The following TUBGCP5 variants were observed in gnomAD, a reference collection of about 807,000 sequenced individuals.
TUBGCP5 encodes the protein tubulin gamma complex component 5.
In TUBGCP5, 98 loss-of-function variants were observed where a neutral mutation model predicts 134.7. That is an observed-to-expected ratio of 0.73 (90% CI 0.62 to 0.86). The LOEUF (loss-of-function observed/expected upper bound fraction) is 0.86, where lower values mean the gene tolerates loss of function less well. Among genes scored for constraint, TUBGCP5 ranks in the 40% least tolerant of loss-of-function variants. The probability of loss-of-function intolerance (pLI) is 0.00; values close to 1 mark genes in which losing one functional copy is unlikely to be tolerated. For missense variants in TUBGCP5, 1,150 were observed against 1,244.8 expected (o/e 0.92, Z 1.15); for synonymous variants, 456 against 431.4 (o/e 1.06, Z -0.71).
In TUBGCP5 at chr15:23,039,415, G is replaced by C. The variant is rs1048333231; in HGVS notation, c.129C>G (p.Phe43Leu). ...CCCCACACCTGAAGTTGGACCAGGCGAAGTTTAGGGCGAGCTGGAAGTTGG... is the reference window on the plus strand; with the variant it reads ...CCCCACACCTGAAGTTGGACCAGGCCAAGTTTAGGGCGAGCTGGAAGTTGG... ...ADPNFQLALN[F>L]AWSNFRFHRF... is the part of the protein sequence containing the mutation. The change falls in exon 1 of 23, where the codon TTC becomes TTG. Residue 43 changes from phenylalanine (F) to leucine (L), a missense_variant. Around this residue, in one of 2 missense-constraint regions of TUBGCP5, gnomAD observed 453 missense variants for 394.7 expected, o/e 1.15. Coordinates refer to ENST00000615383, the MANE Select transcript of TUBGCP5 (RefSeq NM_052903.6). 3 of 1,512,594 alleles carry C rather than the reference G, an allele frequency of 2.0e-6. No individual in the cohort carries two copies. The highest frequency in any genetic ancestry group is 2.7e-6 in the Non-Finnish European group (3 of 1,123,236). 93.7% of individuals were successfully genotyped at this position (1,512,594 alleles called of 1,614,324 possible).
rs759880547 is a variant in TUBGCP5, at chr15:23,017,980, C to T, written c.1549G>A (p.Val517Ile). The change falls in exon 13 of 23, where the codon GTA (valine) becomes ATA (isoleucine). Residue 517 changes from valine (V) to isoleucine (I), a missense_variant. Physicochemically the swap from Val to Ile is conservative, Grantham distance 29 (BLOSUM62 3). Transcript: ENST00000615383. ...TCTTCATTTTCTGTCTTTTCTGATACGCTATATAACGTGTAAGTTGCATAC... is the reference window on the plus strand; with the variant it reads ...TCTTCATTTTCTGTCTTTTCTGATATGCTATATAACGTGTAAGTTGCATAC... ...FWYATYTLYS[V>I]SEKTENEEKM... 27 of 1,613,944 alleles carry T rather than the reference C, an allele frequency of 1.7e-5. No homozygotes were observed. The highest frequency in any genetic ancestry group is 2.2e-5 in the East Asian group (1 of 44,900).
intron 13 of TUBGCP5, among the ~76,000 whole-genome samples, chr15:23,016,653 G>A (rs2065339224): frequency 6.6e-6 from 1 of 152,002 alleles, no homozygotes; most frequent in South Asian, 2.1e-4. Flanking sequence ...CCCCAGTCAG[G>A]ATGGTTATTT....
At position 22,999,306 on chromosome 15, in the gene TUBGCP5, C is replaced by T. The variant is rs1016370944; in HGVS notation, c.*514G>A. 6.4e-6 allele frequency: 1 copy of T among 155,348 alleles called. No individual in the cohort carries two copies. The highest frequency in any genetic ancestry group is 2.4e-5 in the African/African-American group (1 of 41,492). The allele number at this position is 155,348 out of a possible 1,614,324, so 9.6% of individuals were successfully genotyped here. ...AATGTAAGAGTAAACAGCCTATATA[C>T]ACTTTGTACTACTGACACAATTTTA... On this transcript the variant is annotated 3_prime_UTR_variant, in exon 23 of 23. Coordinates refer to ENST00000615383, the MANE Select transcript of TUBGCP5 (RefSeq NM_052903.6).
At position 23,031,910 on chromosome 15, in the gene TUBGCP5, G is replaced by A. The variant is rs193222717; in HGVS notation, c.486+40C>T. ...ATGAAAATCATCTATATCACCTGGC[G>A]TGTATTTCAATTTTCAATAGCAAAA... On this transcript the variant is annotated intron_variant, in intron 5 of 22. Transcript: ENST00000615383. 5.3e-4 allele frequency: 800 copies of A among 1,502,850 alleles called. 1 individual carries two copies. The highest frequency in any genetic ancestry group is 3.2e-3 in the African/African-American group (229 of 72,518). 93.1% of individuals were successfully genotyped at this position (1,502,850 alleles called of 1,614,324 possible).
chr15:23,026,132 T>C lies in TUBGCP5; in HGVS notation c.811A>G (p.Ile271Val), dbSNP rs948982897. 1 of 1,608,944 alleles carries C rather than the reference T, an allele frequency of 6.2e-7. No homozygotes were observed. The highest frequency in any genetic ancestry group is 1.7e-5 in the Admixed American group (1 of 58,464). The part of the protein sequence containing the change: ...DRVLVTETQV[I>V]RETLWLLSGV... ...ATTTCTTACCATAGGGTTTCCCGAA[T>C]AACCTGAGTCTCAGTAACCAAAACC... Residue 271 changes from isoleucine (I) to valine (V), a missense_variant, in exon 8 of 23, where the codon ATT becomes GTT. Transcript: ENST00000615383.
In TUBGCP5 at chr15:23,037,149, A is replaced by G. The variant is rs1429096179; in HGVS notation, c.150T>C (p.Phe50=). The change falls in exon 2 of 23, where the codon TTT becomes TTC. Residue 50 remains phenylalanine (F), a synonymous_variant. Coordinates refer to ENST00000615383, the MANE Select transcript of TUBGCP5 (RefSeq NM_052903.6). ...ALNFAWSNFR[F]HRFLDVNSHK... Reference sequence around the variant, plus strand: ...GGCTGTTGACATCCAAGAAACGATGAAATCTATTAAAGACAAAATGCAATT... The same window carrying G: ...GGCTGTTGACATCCAAGAAACGATGGAATCTATTAAAGACAAAATGCAATT... 1.2e-6 allele frequency: 2 copies of G among 1,612,910 alleles called. No homozygotes were observed. The highest frequency in any genetic ancestry group is 1.7e-6 in the Non-Finnish European group (2 of 1,179,914).
chr15:23,036,095 C>T (rs2066574415), intron 3 of TUBGCP5, among the ~76,000 whole-genome samples: 1 of 152,166 alleles, frequency 6.6e-6, no homozygotes, highest in Non-Finnish European at 1.5e-5. Flanking sequence ...GTGGTCCCAC[C>T]GTGTTCAGGG....
chr15:23,003,311 T>C (rs533612842), intron 20 of TUBGCP5, among the ~76,000 whole-genome samples, 158 bp from the exon 21 acceptor site: 1 of 152,330 alleles, frequency 6.6e-6, no homozygotes, highest in Admixed American at 6.5e-5. Flanking sequence ...CCATGCCCAT[T>C]TGGGACCAGG....
At chr15:22,989,097 G>A (rs545896395) in intron 23 of TUBGCP5, among the ~76,000 whole-genome samples, 70 of 152,106 alleles carry the variant, frequency 4.6e-4, no homozygotes, top group Non-Finnish European at 8.4e-4. Flanking sequence ...GCCGTGTGAC[G>A]ACATCCCCAG....
chr15:23,032,189 C>T (rs1408441018), intron 4 of TUBGCP5, among the ~76,000 whole-genome samples, 160 bp from the exon 5 acceptor site: 1 of 152,098 alleles, frequency 6.6e-6, no homozygotes, highest in Admixed American at 6.5e-5. Flanking sequence ...AAACATTTTA[C>T]ATTTTAATTA....
At chr15:23,024,251 C>A in intron 9 of TUBGCP5, 58 bp from the exon 10 acceptor site, 1 of 1,575,916 alleles carries the variant, frequency 6.3e-7, no homozygotes. Flanking sequence ...CATTCAAATT[C>A]ATTTCCCTCT....
At chr15:23,037,458 C>T (rs189411415) in intron 1 of TUBGCP5, among the ~76,000 whole-genome samples, 36 of 152,264 alleles carry the variant, frequency 2.4e-4, no homozygotes, top group Non-Finnish European at 3.8e-4. Context: ...ATCAGGTGGT[C>T]CCAACCTTTT....
intron 14 of TUBGCP5, 129 bp from the exon 15 acceptor site, chr15:23,010,262 C>A: frequency 9.4e-7 from 1 of 1,067,532 alleles, no homozygotes; most frequent in Admixed American, 2.3e-5. Flanking sequence ...AGAGAAAAAT[C>A]TTTCTCCCAA....
At chr15:23,009,329 C>T (rs1006661728) in intron 15 of TUBGCP5, among the ~76,000 whole-genome samples, 3 of 150,936 alleles carry the variant, frequency 2.0e-5, no homozygotes, top group Non-Finnish European at 2.9e-5. Flanking sequence ...AGTGCAGTGG[C>T]CCGATCTCAG....
chr15:23,032,816 T>A lies in TUBGCP5; in HGVS notation c.318A>T (p.Ala106=), dbSNP rs566014577. The part of the protein sequence containing the change: ...LPSIKEIKTD[A]HYSILSLLLC... The stretch of plus-strand genomic sequence containing the variant: ...GAAGAAGTGACAGTATGGAATAATG[T>A]GCATCTGTCTTTAAAACAAAAAAAA... The change falls in exon 4 of 23, where the codon GCA becomes GCT. Residue 106 remains alanine, a synonymous_variant. Coordinates refer to ENST00000615383, the MANE Select transcript of TUBGCP5 (RefSeq NM_052903.6). 1.3e-5 allele frequency: 20 copies of A among 1,569,658 alleles called. No individual in the cohort carries two copies. The highest frequency in any genetic ancestry group is 1.7e-5 in the Non-Finnish European group (20 of 1,162,808).
chr15:23,032,900 C>A, intron 3 of TUBGCP5, 76 bp from the exon 4 acceptor site: 1 of 1,086,656 alleles, frequency 9.2e-7, no homozygotes, highest in South Asian at 2.1e-5. Flanking sequence ...AAAGATAACT[C>A]CATGACAGTT....
chr15:23,024,620 T>C (rs899788981), intron 9 of TUBGCP5, 117 bp downstream of exon 9: 3 of 588,296 alleles, frequency 5.1e-6, no homozygotes, highest in Admixed American at 3.5e-5. Context: ...TTTTTTTGCA[T>C]GTGAGGAAGC....
intron 4 of TUBGCP5, among the ~76,000 whole-genome samples, chr15:23,032,277 C>T (rs2140662505): frequency 6.6e-6 from 1 of 152,248 alleles, no homozygotes; most frequent in South Asian, 2.1e-4. Context: ...AGTCATCCCT[C>T]AATATCTGAG....
At chr15:23,017,042 G>T (rs2065379669) in intron 13 of TUBGCP5, among the ~76,000 whole-genome samples, 1 of 146,390 alleles carries the variant, frequency 6.8e-6, no homozygotes, top group Non-Finnish European at 1.5e-5. Flanking sequence ...AACACTGATG[G>T]AAATGGTGGA....
Sources: gnomAD v4.1 joint callset for allele counts (sites outside exome capture counted in the v4.1 genomes callset) on GRCh38, gnomAD v4.1.1 for gene constraint, gnomAD v4.1.1 regional missense constraint, MANE v1.5 for transcripts, NCBI Gene and HGNC (gene_info 2026-07-23, HGNC 2026-07-21) for gene names.